Variants in EPB41 observed in about 807,000 individuals in gnomAD.
EPB41 encodes erythrocyte membrane protein band 4.1.
A neutral mutation model predicts 108.0 loss-of-function variants in EPB41; 65 were observed. That is an observed-to-expected ratio of 0.60 (90% CI 0.49 to 0.74). The LOEUF is 0.74. Among genes scored for constraint, EPB41 ranks in the 30% least tolerant of loss-of-function variants. The pLI is 0.00. For missense variants in EPB41, 875 were observed against 1,037.0 expected (o/e 0.84, Z 2.15); for synonymous variants, 336 against 358.9 (o/e 0.94, Z 0.72).
intron 1 of EPB41, among the ~76,000 whole-genome samples, chr1:28,898,073 G>A (rs1444888406): frequency 6.6e-6 from 1 of 152,164 alleles, no homozygotes; most frequent in Non-Finnish European, 1.5e-5. Flanking sequence ...GCTCAAGACT[G>A]CATACTGTGC....
intron 16 of EPB41, among the ~76,000 whole-genome samples, chr1:29,094,882 C>T (rs1662647375): frequency 6.6e-6 from 1 of 152,100 alleles, no homozygotes; most frequent in Non-Finnish European, 1.5e-5. Context: ...CACAAATGCT[C>T]AAGTCTTGGA....
At chr1:29,058,723 TA>T (rs1361143975) in intron 13 of EPB41, 78 bp downstream of exon 13, 1 of 1,542,330 alleles carries the variant, frequency 6.5e-7, no homozygotes, top group Non-Finnish European at 8.8e-7. Context: ...CCCTTTTCCT[TA>T]AAAAAATTAT....
At chr1:28,921,938 T>TTATA (rs66808636) in intron 1 of EPB41, among the ~76,000 whole-genome samples, 2,137 of 102,604 alleles carry the variant, frequency 0.021, 129 homozygotes, top group African/African-American at 0.06. Context: ...TTATGAAATT[T>TTATA]TATATATATA....
intron 7 of EPB41, among the ~76,000 whole-genome samples, chr1:29,026,082 G>A (rs1481020269): frequency 8.3e-6 from 1 of 119,974 alleles, no homozygotes; most frequent in Non-Finnish European, 2.0e-5. Flanking sequence ...CCCTGGTGAG[G>A]TAAGGAGGAC....
At chr1:28,902,206 G>T in intron 1 of EPB41, 2 of 985,380 alleles carry the variant, frequency 2.0e-6, no homozygotes, top group Non-Finnish European at 2.4e-6. Context: ...CCATTTGTCA[G>T]ATCATACTTT....
chr1:29,111,251 G>C (rs1669056769), intron 18 of EPB41, among the ~76,000 whole-genome samples: 1 of 152,098 alleles, frequency 6.6e-6, no homozygotes. Context: ...TATGAGAGAA[G>C]AGCACAGAAA....
intron 1 of EPB41, among the ~76,000 whole-genome samples, chr1:28,921,938 T>TTATATATATATATATATATATATATATA (rs66808636): frequency 1.7e-4 from 17 of 102,622 alleles, no homozygotes; most frequent in African/African-American, 5.0e-4. Flanking sequence ...TTATGAAATT[T>TTATATATATATATATATATATATATATA]TATATATATA....
At chr1:28,907,614 C>CT (rs989468295) in intron 1 of EPB41, among the ~76,000 whole-genome samples, 114 of 151,646 alleles carry the variant, frequency 7.5e-4, no homozygotes, top group Middle Eastern at 6.8e-3. Context: ...TGTGCCTGGC[C>CT]TTTTTTTTCT....
chr1:28,915,790 T>C (rs2148090399), intron 1 of EPB41, among the ~76,000 whole-genome samples: 1 of 150,268 alleles, frequency 6.7e-6, no homozygotes, highest in African/African-American at 2.4e-5. Context: ...TTTCTTCCCT[T>C]CTGTTTTTAG....
intron 16 of EPB41, among the ~76,000 whole-genome samples, chr1:29,074,823 A>C (rs928407962): frequency 6.6e-6 from 1 of 152,260 alleles, no homozygotes; most frequent in Non-Finnish European, 1.5e-5. Context: ...AACTAAATGT[A>C]TAGATAACAT....
intron 1 of EPB41, among the ~76,000 whole-genome samples, chr1:28,979,712 C>T (rs2095690027): frequency 7.6e-6 from 1 of 130,994 alleles, no homozygotes; most frequent in Non-Finnish European, 1.5e-5. Flanking sequence ...AAACTGTCCT[C>T]ACTTTTTTTT....
chr1:29,073,661 T>C (rs189802633), intron 16 of EPB41, among the ~76,000 whole-genome samples: 15 of 152,350 alleles, frequency 9.8e-5, no homozygotes, highest in African/African-American at 3.4e-4. Flanking sequence ...TGGATCATAC[T>C]TGAAAATAAA....
intron 11 of EPB41, among the ~76,000 whole-genome samples, chr1:29,047,838 G>GAATTT (rs1558144855): frequency 6.6e-6 from 1 of 152,076 alleles, no homozygotes; most frequent in African/African-American, 2.4e-5. Flanking sequence ...GCCCAGGCTG[G>GAATTT]AATGGCGTGA....
chr1:29,056,425 A>G (rs1645460732), intron 12 of EPB41, among the ~76,000 whole-genome samples: 1 of 152,108 alleles, frequency 6.6e-6, no homozygotes, highest in Non-Finnish European at 1.5e-5. Flanking sequence ...TTTTAATGAG[A>G]TATATTCTGC....
intron 4 of EPB41, among the ~76,000 whole-genome samples, chr1:29,009,070 A>G (rs557334979): frequency 2.6e-5 from 4 of 152,066 alleles, no homozygotes; most frequent in Non-Finnish European, 5.9e-5. Flanking sequence ...TCCTCGAACA[A>G]ACTGATTGTT....
chr1:28,925,979 C>T (rs139497737), intron 1 of EPB41, among the ~76,000 whole-genome samples: 26 of 151,676 alleles, frequency 1.7e-4, no homozygotes, highest in Admixed American at 1.4e-3. Context: ...TTTGGGAGGC[C>T]GATGTGGGAG....
At chr1:28,919,782 A>G (rs1212810552) in intron 1 of EPB41, among the ~76,000 whole-genome samples, 1 of 152,168 alleles carries the variant, frequency 6.6e-6, no homozygotes, top group Non-Finnish European at 1.5e-5. Context: ...TAGAAATTCC[A>G]GAGACATTCT....
chr1:28,895,215 A>G (rs555713611), intron 1 of EPB41, among the ~76,000 whole-genome samples: 2 of 152,234 alleles, frequency 1.3e-5, no homozygotes, highest in African/African-American at 4.8e-5. Flanking sequence ...GAAGAATTAC[A>G]TCCCACTGTG....
intron 17 of EPB41, among the ~76,000 whole-genome samples, chr1:29,104,549 A>C (rs1666496033): frequency 6.6e-6 from 1 of 151,600 alleles, no homozygotes; most frequent in Admixed American, 6.6e-5. Context: ...ATGAGTAGCT[A>C]GGACTCCAGG....
Sources: allele counts gnomAD v4.1 joint callset (sites outside exome capture counted in the v4.1 genomes callset), GRCh38; gene constraint gnomAD v4.1.1; transcripts MANE v1.5; gene names NCBI Gene and HGNC (gene_info 2026-07-23, HGNC 2026-07-21).